DNAJC24: variants seen among roughly 807,000 people sequenced by gnomAD.
The protein encoded by DNAJC24 is dnaJ homolog subfamily C member 24.
Under a neutral mutation model 18.0 loss-of-function variants are expected in DNAJC24, and 17 were observed. That is an observed-to-expected ratio of 0.94 (90% CI 0.65 to 1.42). DNAJC24 has a LOEUF of 1.42. Among genes scored for constraint, DNAJC24 ranks in the 40% most tolerant of loss-of-function variants. The pLI is 0.00. For missense variants in DNAJC24, 158 were observed against 175.6 expected (o/e 0.90, Z 0.57); for synonymous variants, 55 against 57.7 (o/e 0.95, Z 0.21).
intron 2 of DNAJC24, among the ~76,000 whole-genome samples, chr11:31,390,496 A>C (rs992581211): frequency 4.0e-5 from 6 of 151,838 alleles, no homozygotes; most frequent in Non-Finnish European, 7.4e-5. Context: ...TCACAAGGTC[A>C]AGAGATCGAG....
At chr11:31,396,189 C>T (rs1335626658) in intron 2 of DNAJC24, 2 of 418,510 alleles carry the variant, frequency 4.8e-6, no homozygotes, top group Non-Finnish European at 9.4e-6. Flanking sequence ...TGTTGTAAGT[C>T]TTGAATTTTG....
chr11:31,394,110 T>G (rs574913915), intron 2 of DNAJC24, among the ~76,000 whole-genome samples: 1 of 152,186 alleles, frequency 6.6e-6, no homozygotes, highest in Non-Finnish European at 1.5e-5. Flanking sequence ...ATATGTGTTT[T>G]CCCCATAAGG....
chr11:31,430,299 A>T lies in DNAJC24; in HGVS notation c.348A>T (p.Arg116Ser). The T allele has an allele frequency of 6.2e-7, 1 of 1,610,446 alleles. No individual in the cohort carries two copies. The highest frequency in any genetic ancestry group is 8.5e-7 in the Non-Finnish European group (1 of 1,177,658). ...EGDHSFYLSC[R>S]CGGKYSVSKD... ...ATCACTCTTTTTATCTGAGTTGCAG[A>T]TGTGGTGGAAAATACAGTGTTTCCA... The change falls in exon 5 of 5, where the codon AGA becomes AGT. Residue 116 changes from arginine to serine, a missense_variant. Transcript: ENST00000465995.
intron 4 of DNAJC24, among the ~76,000 whole-genome samples, chr11:31,429,017 A>G (rs1256325878): frequency 1.3e-5 from 2 of 152,182 alleles, no homozygotes; most frequent in African/African-American, 4.8e-5. Context: ...AGGAAAATCA[A>G]TGGTTAGAAT....
chr11:31,431,844 G>A lies in DNAJC24; in HGVS notation c.*1443G>A, dbSNP rs1007708439. 6.6e-6 allele frequency: 1 copy of A among 151,850 alleles called. No individual in the cohort carries two copies. Among genetic ancestry groups the A allele is most frequent in the African/African-American group, 2.4e-5 (1 of 41,346 alleles). The allele number at this position is 151,850 out of a possible 1,614,324, so 9.4% of individuals were successfully genotyped here. ...AAATAAAATAAAATAAATAAAAAAA[G>A]ATATAGTATTAATGCCTGTATTTAT... On this transcript the variant is annotated 3_prime_UTR_variant, in exon 5 of 5. Coordinates refer to ENST00000465995, the MANE Select transcript of DNAJC24 (RefSeq NM_181706.5).
intron 2 of DNAJC24, among the ~76,000 whole-genome samples, chr11:31,398,631 T>C (rs956326488): frequency 6.6e-6 from 1 of 152,238 alleles, no homozygotes; most frequent in Non-Finnish European, 1.5e-5. Flanking sequence ...TACTGTTTTT[T>C]TCCCATCTCA....
intron 3 of DNAJC24, chr11:31,416,097 A>T (rs954102220): frequency 6.6e-6 from 1 of 152,170 alleles, no homozygotes; most frequent in African/African-American, 2.4e-5. Context: ...TTATAGTACT[A>T]ATCAGCTCAA....
intron 2 of DNAJC24, among the ~76,000 whole-genome samples, chr11:31,372,028 G>T (rs1952269237): frequency 6.6e-6 from 1 of 151,370 alleles, no homozygotes; most frequent in Non-Finnish European, 1.5e-5. Context: ...TCATCATATT[G>T]GTCAGGCTGG....
At chr11:31,400,424 A>G (rs1040568249) in intron 2 of DNAJC24, among the ~76,000 whole-genome samples, 1 of 152,210 alleles carries the variant, frequency 6.6e-6, no homozygotes, top group Non-Finnish European at 1.5e-5. Flanking sequence ...AGTCAGGACA[A>G]TCCTAAGCAA....
chr11:31,386,524 G>C (rs1207505823), intron 2 of DNAJC24, among the ~76,000 whole-genome samples: 1 of 152,018 alleles, frequency 6.6e-6, no homozygotes, highest in Non-Finnish European at 1.5e-5. Context: ...CTGCCTTGAA[G>C]GGAAGGATCC....
In DNAJC24 at chr11:31,384,114, C is replaced by T. The variant is rs1952405265; in HGVS notation, c.111+13255C>T. The stretch of plus-strand genomic sequence containing the variant: ...TGTATTTCATCTTCATTTTGTAGTT[C>T]TCAATGAAAAGAATAGACTAGCGCT... On this transcript the variant is annotated intron_variant, in intron 2 of 4. Coordinates refer to ENST00000465995, the MANE Select transcript of DNAJC24 (RefSeq NM_181706.5). 3.3e-5 allele frequency among the ~76,000 whole-genome samples: 5 copies of T among 152,214 alleles called. No individual in the cohort carries two copies. The South Asian group carries it at 1.0e-3, about 32-fold the overall frequency.
chr11:31,411,190 T>C (rs1952705549), intron 2 of DNAJC24, among the ~76,000 whole-genome samples: 1 of 152,160 alleles, frequency 6.6e-6, no homozygotes, highest in Non-Finnish European at 1.5e-5. Flanking sequence ...GACTTTGAGA[T>C]CGGAAAGTCT....
chr11:31,403,483 G>A (rs1298846813), intron 2 of DNAJC24, among the ~76,000 whole-genome samples: 4 of 152,112 alleles, frequency 2.6e-5, no homozygotes, highest in African/African-American at 9.7e-5. Flanking sequence ...TTGAAGCAGG[G>A]GCTTACAAAA....
At chr11:31,403,018 T>C (rs1952616693) in intron 2 of DNAJC24, among the ~76,000 whole-genome samples, 1 of 152,212 alleles carries the variant, frequency 6.6e-6, no homozygotes, top group African/African-American at 2.4e-5. Context: ...GTATTCTCTT[T>C]TAAATTCTTA....
chr11:31,377,568 T>A (rs1952330510), intron 2 of DNAJC24, among the ~76,000 whole-genome samples: 1 of 152,126 alleles, frequency 6.6e-6, no homozygotes, highest in Non-Finnish European at 1.5e-5. Flanking sequence ...AATTGATTTT[T>A]AAAATTTTTT....
At chr11:31,370,107 A>C (rs1326694399) in intron 1 of DNAJC24, among the ~76,000 whole-genome samples, 195 bp downstream of exon 1, 2 of 152,062 alleles carry the variant, frequency 1.3e-5, no homozygotes, top group Non-Finnish European at 2.9e-5. Context: ...TGGAGCGTGG[A>C]AGACTGGGGC....
intron 2 of DNAJC24, among the ~76,000 whole-genome samples, chr11:31,387,850 A>C (rs1952444950): frequency 6.6e-6 from 1 of 152,214 alleles, no homozygotes; most frequent in South Asian, 2.1e-4. Context: ...GTTTTGAGTG[A>C]AATTTAAGAT....
At chr11:31,418,534 A>G (rs1329721044) in intron 3 of DNAJC24, among the ~76,000 whole-genome samples, 1 of 152,106 alleles carries the variant, frequency 6.6e-6, no homozygotes, top group Non-Finnish European at 1.5e-5. Context: ...CTGTGATCTG[A>G]AGAGTAGCAA....
At chr11:31,423,412 CA>C (rs1468834207) in intron 3 of DNAJC24, among the ~76,000 whole-genome samples, 1 of 152,132 alleles carries the variant, frequency 6.6e-6, no homozygotes, top group Non-Finnish European at 1.5e-5. Context: ...AGGCGCACAC[CA>C]CCACACCTGG....
Sources: allele counts gnomAD v4.1 joint callset (sites outside exome capture counted in the v4.1 genomes callset), GRCh38; gene constraint gnomAD v4.1.1; transcripts MANE v1.5; gene names NCBI Gene and HGNC (gene_info 2026-07-23, HGNC 2026-07-21).